MYL5: variants seen among roughly 807,000 people sequenced by gnomAD.
MYL5 encodes the protein myosin light chain 5, also known as myosin regulatory light chain 5.
In MYL5, 28 loss-of-function variants were observed where a neutral mutation model predicts 20.8. That is an observed-to-expected ratio of 1.35 (90% CI 1.00 to 1.84). The LOEUF is 1.84. Ranked by LOEUF, MYL5 falls within the 40% of genes most tolerant of loss-of-function variation. The pLI is 0.00. For missense variants in MYL5, 274 were observed against 227.3 expected, an observed-to-expected ratio of 1.21 and a Z score of -1.32; for synonymous variants, 118 against 87.4, an observed-to-expected ratio of 1.35 and a Z score of -1.95.
intron 5 of MYL5, 75 bp downstream of exon 7, chr4:680,662 G>C: frequency 6.7e-7 from 1 of 1,488,414 alleles, no homozygotes; most frequent in Admixed American, 1.9e-5. Flanking sequence ...AAAAGGGACA[G>C]TCAGCCACCA....
chr4:681,942 A>G (rs1739757338), exon 7 of MYL5: 1 of 1,336,090 alleles, frequency 7.5e-7, no homozygotes, highest in Non-Finnish European at 9.7e-7. Context: ...GGCAACCTGG[A>G]CTACAAGGCG....
At chr4:680,771 G>A (rs1003809204) in intron 5 of MYL5, 184 bp downstream of exon 7, 3 of 676,916 alleles carry the variant, frequency 4.4e-6, no homozygotes, top group Non-Finnish European at 7.5e-6. Context: ...CTCACACAGG[G>A]ACCAGCGCCT....
intron 1 of MYL5, 67 bp downstream of exon 3, chr4:678,096 T>C (rs1193326573): frequency 6.3e-7 from 1 of 1,594,834 alleles, no homozygotes; most frequent in South Asian, 1.1e-5. Context: ...CATGTGTACA[T>C]GCGCACAGAC....
chr4:681,381 C>T lies in MYL5; in HGVS notation c.420+241C>T, dbSNP rs554932058. Among the ~76,000 whole-genome samples the T allele has an allele frequency of 1.4e-3, 209 of 152,148 alleles. 1 individual carries two copies. Among genetic ancestry groups the T allele is most frequent in the African/African-American group, 4.7e-3 (197 of 41,520 alleles). ...CAGCGGCTGGAGACCCCTCCGCGGC[C>T]TGAGCGTCTGTCCCAGCCGGAGGGG... On this transcript the variant is annotated intron_variant, in intron 6 of 6. Transcript: ENST00000400159.
At chr4:681,756 C>A (rs1236628773) in intron 6 of MYL5, 137 bp from the exon 9 acceptor site, 2 of 1,131,408 alleles carry the variant, frequency 1.8e-6, no homozygotes, top group East Asian at 3.6e-5. Flanking sequence ...CCCCCTCCAG[C>A]GCCGCCCTCA....
At chr4:676,606 C>T (rs1283450949), upstream of MYL5, 1 of 152,286 alleles carries the variant, frequency 6.6e-6, no homozygotes, top group Non-Finnish European at 1.5e-5. Context: ...ACTCCAGTGG[C>T]CTGGGAACCC....
chr4:677,817 C>T, upstream of MYL5: 1 of 729,744 alleles, frequency 1.4e-6, no homozygotes, highest in Non-Finnish European at 2.4e-6. Flanking sequence ...AGGCTGGGGG[C>T]CTTGCGGGGT....
intron 3 of MYL5, 101 bp from the exon 6 acceptor site, chr4:679,813 A>C (rs1577334306): frequency 1.1e-5 from 10 of 892,504 alleles, no homozygotes; most frequent in Admixed American, 2.2e-5. Flanking sequence ...CTCCCTCCCC[A>C]CCCTTCCCAT....
chr4:677,979 C>T (rs772663478), exon 1 of MYL5: 2 of 1,613,264 alleles, frequency 1.2e-6, no homozygotes, highest in South Asian at 2.2e-5. Context: ...TTAAGATGGG[C>T]AAGACCTGGG....
chr4:679,091 C>T (rs766021820), intron 3 of MYL5, 58 bp downstream of exon 5: 1 of 1,404,058 alleles, frequency 7.1e-7, no homozygotes, highest in Non-Finnish European at 9.6e-7. Context: ...CAGAGGTCCT[C>T]CAGCTCCAGA....
At chr4:680,358 AGGAG>A in intron 4 of MYL5, 147 bp from the exon 7 acceptor site, 1 of 840,660 alleles carries the variant, frequency 1.2e-6, no homozygotes, top group Non-Finnish European at 1.9e-6. Context: ...GGCTCAGGAA[AGGAG>A]AAGGCCTTCA....
intron 1 of MYL5, chr4:678,446 T>C (rs1175723150): frequency 2.1e-6 from 3 of 1,427,934 alleles, no homozygotes; most frequent in Admixed American, 2.9e-5. Context: ...CCTCCCCCAG[T>C]CCCTGTGCTG....
rs1327393409 is a variant in MYL5 at position 680,803 on chromosome 4, G to A, written c.371+216G>A. 30 of 640,330 alleles carry A rather than the reference G, an allele frequency of 4.7e-5. 1 individual carries two copies. In the Middle Eastern group the frequency reaches 1.3e-3, roughly 27 times the overall value. The allele number at this position is 640,330 out of a possible 1,614,324, so 39.7% of individuals were successfully genotyped here. Reference sequence around the variant, plus strand: ...GCCTGTGCCCGGTGGGGGTGGGGCGGCTTCCCCTCAGCCCACTCCTCCATC... The same window carrying A: ...GCCTGTGCCCGGTGGGGGTGGGGCGACTTCCCCTCAGCCCACTCCTCCATC... On this transcript the variant is annotated intron_variant, in intron 5 of 6. Coordinates refer to ENST00000400159, the Ensembl canonical transcript of MYL5.
chr4:678,489 C>A, intron 1 of MYL5, 169 bp from the exon 4 acceptor site: 2 of 1,439,032 alleles, frequency 1.4e-6, no homozygotes, highest in Non-Finnish European at 1.8e-6. Context: ...CTGCCCCCAA[C>A]CCCAGCTACC....
chr4:681,682 C>G (rs1249340605), intron 6 of MYL5: 33 of 43,136 alleles, frequency 7.7e-4, no homozygotes, highest in Middle Eastern at 6.4e-3. Flanking sequence ...CCAGCGCCGC[C>G]CCGCCCCCTC....
upstream of MYL5, among the ~76,000 whole-genome samples, chr4:677,576 A>T (rs908473802): frequency 9.9e-5 from 15 of 152,188 alleles, no homozygotes; most frequent in African/African-American, 3.1e-4. Flanking sequence ...TGACAGACAG[A>T]GTGTGCTTGG....
chr4:679,224 C>A, intron 3 of MYL5, 191 bp downstream of exon 5: 1 of 698,432 alleles, frequency 1.4e-6, no homozygotes, highest in Admixed American at 2.1e-5. Context: ...GAGAGCATCC[C>A]AGGGTGAGAC....
At position 680,583 on chromosome 4, in the gene MYL5, G is replaced by T. The variant is rs778732180; in HGVS notation, c.367G>T (p.Glu123Ter). Residue 123 changes from glutamate to a stop codon, truncating the protein, a stop_gained, in exon 5 of 7, where the codon GAG becomes TAG. Coordinates refer to ENST00000400159, the Ensembl canonical transcript of MYL5. LOFTEE classifies it high-confidence loss of function. ...GGACGGGAAAGGGAAAATCAACAAG[G>T]AGTAGTGAGTGCCCGGGCGGCCAGG... 4.3e-6 allele frequency: 7 copies of T among 1,612,722 alleles called. No individual in the cohort carries two copies. The South Asian group carries it at 5.5e-5, about 13-fold the overall frequency.
chr4:681,825 C>T lies in MYL5; in HGVS notation c.421-68C>T, dbSNP rs1739705312. On this transcript the variant is annotated intron_variant, in intron 6 of 6. Coordinates refer to ENST00000400159, the Ensembl canonical transcript of MYL5. ...CGCGGCGCAGAAACCACACCCGGGG[C>T]CGCTGCAGGTGCGCGCTTGTAATTC... The T allele has an allele frequency of 2.4e-5, 30 of 1,271,192 alleles. 1 individual carries two copies. In the South Asian group the frequency reaches 6.5e-4, roughly 28 times the overall value. 78.7% of individuals were successfully genotyped at this position (1,271,192 alleles called of 1,614,324 possible).
Sources: gnomAD v4.1 joint callset for allele counts (sites outside exome capture counted in the v4.1 genomes callset) on GRCh38, gnomAD v4.1.1 for gene constraint, MANE v1.5 for transcripts, NCBI Gene and HGNC (gene_info 2026-07-23, HGNC 2026-07-21) for gene names.